Variants in BNIP3 observed in about 807,000 individuals in gnomAD.
The protein encoded by BNIP3 is BCL2/adenovirus E1B 19 kDa protein-interacting protein 3.
In BNIP3, 16 loss-of-function variants were observed where a neutral mutation model predicts 23.9. That is an observed-to-expected ratio of 0.67 (90% CI 0.45 to 1.01). The LOEUF (loss-of-function observed/expected upper bound fraction) is 1.01, where lower values mean the gene tolerates loss of function less well. BNIP3 is among the 50% of genes least tolerant of loss of function. BNIP3 has a pLI of 0.00. For synonymous variants in BNIP3, 81 were observed against 89.3 expected, an observed-to-expected ratio of 0.91 and a Z score of 0.53; for missense variants, 198 against 248.7, an observed-to-expected ratio of 0.80 and a Z score of 1.37.
intron 3 of BNIP3, 86 bp downstream of exon 3, chr10:131,972,948 T>C: frequency 7.4e-7 from 1 of 1,351,442 alleles, no homozygotes; most frequent in Non-Finnish European, 1.0e-6. Flanking sequence ...GACTTTTCTC[T>C]GAGGTGCTCA....
chr10:131,974,126 G>A (rs900585744), intron 1 of BNIP3, among the ~76,000 whole-genome samples, 183 bp from the exon 2 acceptor site: 2 of 152,148 alleles, frequency 1.3e-5, no homozygotes, highest in African/African-American at 2.4e-5. Flanking sequence ...GACTGTCCAC[G>A]CACACACTCC....
intron 1 of BNIP3, among the ~76,000 whole-genome samples, chr10:131,979,408 A>G (rs1033552537): frequency 1.3e-5 from 2 of 152,214 alleles, no homozygotes; most frequent in Admixed American, 1.3e-4. Flanking sequence ...CAGTGGGTGA[A>G]GAGGTGAGGG....
chr10:131,969,808 C>G (rs1246621637), intron 5 of BNIP3: 11 of 152,290 alleles, frequency 7.2e-5, no homozygotes, highest in Admixed American at 6.5e-4. Context: ...CGCTCTGGCT[C>G]TTCACCACCG....
At chr10:131,969,310 G>A (rs1389688028) in intron 5 of BNIP3, 1 of 152,334 alleles carries the variant, frequency 6.6e-6, no homozygotes, top group Non-Finnish European at 1.5e-5. Context: ...AGTGGCTGCA[G>A]AAATCCATCC....
rs184341832 is a variant in BNIP3, at chr10:131,976,137, T to C, written c.47-2194A>G. On this transcript the variant is annotated intron_variant, in intron 1 of 5. Transcript: ENST00000368636. This position sits in a 1 kb window ranked among gnomAD's most constrained non-coding sequence, Gnocchi z 4.3. ...GAGAACGGCACCACAGCCTCTGTTT[T>C]GGCCAGCTGTCTTTCTCCGCTGAAT... 3.6e-3 allele frequency among the ~76,000 whole-genome samples: 546 copies of C among 152,358 alleles called. 2 individuals carry two copies. Among genetic ancestry groups the C allele is most frequent in the Middle Eastern group, 0.017 (5 of 294 alleles).
chr10:131,973,616 C>T, intron 2 of BNIP3, 177 bp downstream of exon 2: 1 of 789,156 alleles, frequency 1.3e-6, no homozygotes, highest in African/African-American at 1.7e-5. Flanking sequence ...TCACTGCATC[C>T]CCAAAGAGGG....
At chr10:131,971,199 C>G (rs1162467679) in intron 3 of BNIP3, 1 of 549,872 alleles carries the variant, frequency 1.8e-6, no homozygotes, top group Non-Finnish European at 3.3e-6. Flanking sequence ...CAGATCACCT[C>G]TGGGGGAGCC....
chr10:131,977,941 G>T (rs1216791027), intron 1 of BNIP3, among the ~76,000 whole-genome samples: 1 of 152,144 alleles, frequency 6.6e-6, no homozygotes, highest in Non-Finnish European at 1.5e-5. Flanking sequence ...AGCGTGCTGT[G>T]TATCTACTCA....
intron 1 of BNIP3, 97 bp from the exon 2 acceptor site, chr10:131,974,040 G>A (rs1375752072): frequency 6.0e-6 from 9 of 1,488,930 alleles, no homozygotes; most frequent in Non-Finnish European, 7.3e-6. Flanking sequence ...TTTCCAAGAG[G>A]TAGCAATGGT....
chr10:131,972,954 G>T, intron 3 of BNIP3, 80 bp downstream of exon 3: 1 of 1,387,550 alleles, frequency 7.2e-7, no homozygotes, highest in Non-Finnish European at 1.0e-6. Flanking sequence ...TCTCTGAGGT[G>T]CTCAATTACA....
rs779574777 is a variant in BNIP3 at position 131,968,498 on chromosome 10, G to A, written c.*26C>T. On this transcript the variant is annotated 3_prime_UTR_variant, in exon 6 of 6. Transcript: ENST00000368636. ...GCAAGCTCAGAAGTAATCCACTAAC[G>A]AACCAAGTCAGACTCCAGTTCTTCA... The A allele has an allele frequency of 2.8e-5, 43 of 1,556,850 alleles. No homozygotes were observed. Among genetic ancestry groups the A allele is most frequent in the African/African-American group, 2.6e-4 (19 of 73,580 alleles).
chr10:131,978,381 TAAAAAAA>T (rs11484265), intron 1 of BNIP3, among the ~76,000 whole-genome samples: 1 of 134,880 alleles, frequency 7.4e-6, no homozygotes, highest in East Asian at 2.1e-4. Flanking sequence ...TCACTTTGTG[TAAAAAAA>T]AAAAAAAAAA....
In BNIP3 at chr10:131,970,574, T is replaced by C; in HGVS notation, c.539+64A>G. ...CTTCAGGAAACAGGTTACGAATAAA[T>C]CACTGCAACCCAGAATCGCCCCACG... On this transcript the variant is annotated intron_variant, in intron 5 of 5. Coordinates refer to ENST00000368636, the MANE Select transcript of BNIP3 (RefSeq NM_004052.4). The surrounding 1 kb of genome is among the most constrained non-coding windows in gnomAD (Gnocchi z 4.1). 6.4e-7 allele frequency: 1 copy of C among 1,568,754 alleles called. No homozygotes were observed. Among genetic ancestry groups the C allele is most frequent in the Non-Finnish European group, 8.7e-7 (1 of 1,154,778 alleles).
Position 131,973,527 on chromosome 10 carries a change from G to A in BNIP3, c.197+266C>T, listed in dbSNP as rs140379436. 1,464 of 528,066 alleles carry A rather than the reference G, an allele frequency of 2.8e-3. 8 individuals carry two copies. The highest frequency in any genetic ancestry group is 4.4e-3 in the South Asian group (170 of 38,824). 32.7% of individuals were successfully genotyped at this position (528,066 alleles called of 1,614,324 possible). A position where few individuals can be genotyped will look rare whatever the true frequency, so the allele number is the denominator to read the frequency against. ...CAGCCCCGCTGAGGCGCGTGAGTGC[G>A]TTTCTCAGAGTGGGGTTTGTGGCTG... On this transcript the variant is annotated intron_variant, in intron 2 of 5. Transcript: ENST00000368636.
At chr10:131,969,371 GC>G (rs1347660956) in intron 5 of BNIP3, 2 of 152,140 alleles carry the variant, frequency 1.3e-5, no homozygotes, top group African/African-American at 4.8e-5. Flanking sequence ...CCGAGGCCTT[GC>G]CCCCAGAGTC....
chr10:131,975,689 A>G (rs2037073886), intron 1 of BNIP3, among the ~76,000 whole-genome samples: 1 of 152,152 alleles, frequency 6.6e-6, no homozygotes, highest in Non-Finnish European at 1.5e-5. Context: ...TTTCATATTA[A>G]CCAGAAAAAA....
rs779794361 is a variant in BNIP3 at position 131,973,106 on chromosome 10, C to T, written c.210G>A (p.Ser70=). 5.6e-6 allele frequency: 9 copies of T among 1,613,386 alleles called. No individual in the cohort carries two copies. In the East Asian group the frequency reaches 1.3e-4, roughly 24 times the overall value. Residue 70 remains serine, a synonymous_variant, in exon 3 of 6, where the codon TCG becomes TCA. Transcript: ENST00000368636. ...KSSHCDSPPR[S]QTPQDTNRAS... ...CTCTGTTGGTATCTTGTGGTGTCTG[C>T]GAGCGAGGTGGGCTTGGCGATGTGA...
chr10:131,968,416 A>G lies in BNIP3; in HGVS notation c.*108T>C, dbSNP rs539838149. 1 of 895,868 alleles carries G rather than the reference A, an allele frequency of 1.1e-6. No homozygotes were observed. The highest frequency in any genetic ancestry group is 2.0e-5 in the Admixed American group (1 of 49,022). 55.5% of individuals were successfully genotyped at this position (895,868 alleles called of 1,614,324 possible). The stretch of plus-strand genomic sequence containing the variant: ...TAGGAACGCAGCATTTACAGAACAA[A>G]TAAACACAAGTGACGTGGCCACCCC... On this transcript the variant is annotated 3_prime_UTR_variant, in exon 6 of 6. Coordinates refer to ENST00000368636, the MANE Select transcript of BNIP3 (RefSeq NM_004052.4).
intron 2 of BNIP3, 56 bp from the exon 3 acceptor site, chr10:131,973,174 T>C (rs2037053326): frequency 1.3e-6 from 2 of 1,572,506 alleles, no homozygotes; most frequent in South Asian, 2.2e-5. Flanking sequence ...ATTCTATCAT[T>C]AGAAGCTCAA....
Sources: allele counts gnomAD v4.1 joint callset (sites outside exome capture counted in the v4.1 genomes callset), GRCh38; gene constraint gnomAD v4.1.1; non-coding constraint Gnocchi (gnomAD v3.1); transcripts MANE v1.5; gene names NCBI Gene and HGNC (gene_info 2026-07-23, HGNC 2026-07-21).